ITPR2: variants seen among roughly 807,000 people sequenced by gnomAD.
The protein encoded by ITPR2 is inositol 1,4,5-trisphosphate-gated calcium channel ITPR2.
Under a neutral mutation model 317.1 loss-of-function variants are expected in ITPR2, and 207 were observed. The ratio of observed to expected loss-of-function variants is 0.65; its 90% CI spans 0.58 to 0.73. The LOEUF (loss-of-function observed/expected upper bound fraction) is 0.73, where lower values mean the gene tolerates loss of function less well. Ranked by LOEUF, ITPR2 falls within the 30% of genes least tolerant of loss-of-function variation. ITPR2 has a pLI of 0.00. For missense variants in ITPR2, 2,613 were observed against 3,284.0 expected (o/e 0.80, Z 4.99); for synonymous variants, 1,156 against 1,149.1 (o/e 1.01, Z -0.12).
At chr12:26,605,082 A>G (rs1410569006) in intron 26 of ITPR2, among the ~76,000 whole-genome samples, 1 of 129,164 alleles carries the variant, frequency 7.7e-6, no homozygotes, top group Non-Finnish European at 1.6e-5. Flanking sequence ...AGCATGACTC[A>G]GTCTCAAAAA....
intron 21 of ITPR2, among the ~76,000 whole-genome samples, chr12:26,652,624 C>A (rs1947283467): frequency 1.3e-5 from 2 of 152,136 alleles, no homozygotes; most frequent in African/African-American, 4.8e-5. Flanking sequence ...CAGACTCTTA[C>A]CCAATGTTAC....
intron 40 of ITPR2, 160 bp downstream of exon 40, chr12:26,486,908 T>C: frequency 1.3e-6 from 1 of 742,454 alleles, no homozygotes; most frequent in Non-Finnish European, 2.4e-6. Flanking sequence ...GCAGAGCCGT[T>C]TTAGGGTCAC....
chr12:26,413,259 C>G (rs77568698), intron 51 of ITPR2, among the ~76,000 whole-genome samples: 9,051 of 152,270 alleles, frequency 0.059, 853 homozygotes, highest in African/African-American at 0.21. Context: ...TTGCCAATTA[C>G]CCGTCCTCTA....
intron 52 of ITPR2, among the ~76,000 whole-genome samples, chr12:26,409,225 C>G (rs1940459031): frequency 1.3e-5 from 2 of 152,056 alleles, no homozygotes; most frequent in South Asian, 4.2e-4. Context: ...AGGACTAACC[C>G]ACACTATCAG....
intron 34 of ITPR2, among the ~76,000 whole-genome samples, chr12:26,571,030 T>C (rs1042068075): frequency 6.6e-6 from 1 of 152,200 alleles, no homozygotes; most frequent in Non-Finnish European, 1.5e-5. Flanking sequence ...GTAATGACTT[T>C]GCTGGGGAAT....
intron 41 of ITPR2, among the ~76,000 whole-genome samples, 190 bp from the exon 42 acceptor site, chr12:26,484,088 T>TAC (rs1029653446): frequency 4.6e-5 from 7 of 151,036 alleles, no homozygotes; most frequent in Non-Finnish European, 8.9e-5. Flanking sequence ...TATATATATA[T>TAC]ACACACACAC....
chr12:26,357,060 G>A (rs536316388), intron 55 of ITPR2, among the ~76,000 whole-genome samples: 1 of 152,148 alleles, frequency 6.6e-6, no homozygotes, highest in Non-Finnish European at 1.5e-5. Context: ...TTTCCCGAGT[G>A]ACAGAGTGTC....
intron 43 of ITPR2, among the ~76,000 whole-genome samples, chr12:26,480,669 G>A (rs1474879940): frequency 3.9e-5 from 6 of 151,922 alleles, no homozygotes; most frequent in Middle Eastern, 3.2e-3. Context: ...GTGAAACCCC[G>A]TCTCTACTAA....
chr12:26,772,808 A>G (rs1949896323), intron 2 of ITPR2, among the ~76,000 whole-genome samples: 1 of 151,200 alleles, frequency 6.6e-6, no homozygotes, highest in African/African-American at 2.4e-5. Context: ...ATATAGGTGT[A>G]CATGTGTCAT....
chr12:26,764,511 G>C (rs946274461), intron 2 of ITPR2, among the ~76,000 whole-genome samples: 1 of 151,838 alleles, frequency 6.6e-6, no homozygotes, highest in Non-Finnish European at 1.5e-5. Context: ...AAACTTTAAC[G>C]CTCAACAACA....
At chr12:26,648,318 G>A (rs1015214282) in intron 21 of ITPR2, among the ~76,000 whole-genome samples, 2 of 152,164 alleles carry the variant, frequency 1.3e-5, no homozygotes, top group Non-Finnish European at 2.9e-5. Context: ...TCCTGCGTCT[G>A]ACCTGCCAAA....
intron 34 of ITPR2, 94 bp downstream of exon 34, chr12:26,578,619 T>C (rs1488623409): frequency 2.7e-6 from 3 of 1,127,106 alleles, no homozygotes; most frequent in Middle Eastern, 2.2e-4. Flanking sequence ...TTTTCTTAAG[T>C]TGTAAATTGG....
At chr12:26,626,024 C>T (rs943901265) in intron 23 of ITPR2, among the ~76,000 whole-genome samples, 1 of 152,144 alleles carries the variant, frequency 6.6e-6, no homozygotes, top group African/African-American at 2.4e-5. Flanking sequence ...TGCAGTGGCA[C>T]AACTTCAACT....
At chr12:26,400,367 G>C in intron 52 of ITPR2, 109 bp from the exon 53 acceptor site, 2 of 474,152 alleles carry the variant, frequency 4.2e-6, no homozygotes, top group Non-Finnish European at 6.5e-6. Context: ...ATATACATAA[G>C]TATGTAAATT....
chr12:26,374,746 A>G (rs1270677674), intron 55 of ITPR2, among the ~76,000 whole-genome samples: 6 of 152,216 alleles, frequency 3.9e-5, no homozygotes, highest in African/African-American at 1.4e-4. Context: ...AACTTACCTC[A>G]GATGCTATTA....
chr12:26,456,228 G>GGCCAAAACCC (rs1174525427), intron 45 of ITPR2, among the ~76,000 whole-genome samples: 3 of 152,260 alleles, frequency 2.0e-5, no homozygotes. Flanking sequence ...TAAAGAAGCT[G>GGCCAAAACCC]GCCAAAACCC....
chr12:26,369,713 C>T (rs902383737), intron 55 of ITPR2, among the ~76,000 whole-genome samples: 1 of 152,108 alleles, frequency 6.6e-6, no homozygotes. Context: ...CTGTGTTATT[C>T]ATGAGCCCTT....
rs757818715 is a variant in ITPR2 at position 26,543,393 on chromosome 12, A to AAG, written c.5073+6852_5073+6853dup. On this transcript the variant is annotated intron_variant, in intron 37 of 56. Coordinates refer to ENST00000381340, the MANE Select transcript of ITPR2 (RefSeq NM_002223.4). ...TGTGTGTGTGTGACAGAGACAGGGG[A>AAG]AGAGAGAGAGAGAGAGGAGAGAGAG... Among the ~76,000 whole-genome samples, 510 of 150,284 alleles carry AAG rather than the reference A, an allele frequency of 3.4e-3. 7 individuals are homozygous for AAG. The highest frequency in any genetic ancestry group is 0.014 in the Admixed American group (210 of 15,076).
chr12:26,519,555 T>C (rs3913561), intron 37 of ITPR2, among the ~76,000 whole-genome samples: 106,053 of 152,076 alleles, frequency 0.7, 38,836 homozygotes, highest in Non-Finnish European at 0.83. Context: ...CAAAAGCCAG[T>C]ATCATGCTTA....
Sources: gnomAD v4.1 joint callset for allele counts (sites outside exome capture counted in the v4.1 genomes callset) on GRCh38, gnomAD v4.1.1 for gene constraint, MANE v1.5 for transcripts, NCBI Gene and HGNC (gene_info 2026-07-23, HGNC 2026-07-21) for gene names.